The following RPA3 variants were observed in gnomAD, a reference collection of about 807,000 sequenced individuals.
RPA3 encodes the protein replication protein A3.
Under a neutral mutation model 13.7 loss-of-function variants are expected in RPA3, and 24 were observed. The observed-to-expected ratio is 1.75, with a 90% CI of 1.27 to 2.46. The LOEUF is 2.46. Ranked by LOEUF, RPA3 falls within the 30% of genes most tolerant of loss-of-function variation. The probability of loss-of-function intolerance (pLI) is 0.00; values close to 1 mark genes in which losing one functional copy is unlikely to be tolerated. For synonymous variants in RPA3, 59 were observed against 51.2 expected, an observed-to-expected ratio of 1.15 and a Z score of -0.65; for missense variants, 183 against 151.0, an observed-to-expected ratio of 1.21 and a Z score of -1.11.
intron 4 of RPA3, among the ~76,000 whole-genome samples, chr7:7,684,614 T>A (rs780516906): frequency 9.2e-5 from 14 of 152,198 alleles, no homozygotes; most frequent in Non-Finnish European, 2.1e-4. Flanking sequence ...AAACCTTAGA[T>A]GTTTTTTGAA....
intron 3 of RPA3, among the ~76,000 whole-genome samples, chr7:7,686,784 G>T (rs1354089970): frequency 6.6e-6 from 1 of 152,210 alleles, no homozygotes; most frequent in African/African-American, 2.4e-5. Context: ...TAGGTGTGAA[G>T]ATTATGATGA....
chr7:7,706,496 A>G (rs1780603005), intron 2 of RPA3, among the ~76,000 whole-genome samples: 1 of 152,212 alleles, frequency 6.6e-6, no homozygotes, highest in Non-Finnish European at 1.5e-5. Context: ...TAATATTTCC[A>G]GAGTTTCCAA....
chr7:7,689,887 A>G (rs913616151), intron 2 of RPA3, among the ~76,000 whole-genome samples: 20 of 152,224 alleles, frequency 1.3e-4, no homozygotes, highest in Non-Finnish European at 7.3e-5. Context: ...GTGATTAACA[A>G]CCATAGTAAT....
intron 4 of RPA3, among the ~76,000 whole-genome samples, chr7:7,683,243 G>A (rs927285729): frequency 1.3e-5 from 2 of 152,072 alleles, no homozygotes; most frequent in African/African-American, 4.8e-5. Context: ...ACCCTTCTGT[G>A]CATTAGGGGA....
At chr7:7,683,403 T>G (rs1009274170) in intron 4 of RPA3, among the ~76,000 whole-genome samples, 19 of 152,174 alleles carry the variant, frequency 1.2e-4, no homozygotes, top group Non-Finnish European at 2.8e-4. Flanking sequence ...CAGTTCACTC[T>G]CTAATAATTG....
intron 4 of RPA3, among the ~76,000 whole-genome samples, chr7:7,654,808 G>A (rs1785303357): frequency 6.6e-6 from 1 of 151,556 alleles, no homozygotes; most frequent in Admixed American, 6.6e-5. Flanking sequence ...GGAGGCTGAG[G>A]CAGGAGAATC....
intron 4 of RPA3, among the ~76,000 whole-genome samples, chr7:7,677,551 C>G (rs1001820931): frequency 1.3e-5 from 2 of 151,792 alleles, no homozygotes; most frequent in African/African-American, 4.8e-5. Flanking sequence ...ATGATCTCCT[C>G]TAGTACCATC....
chr7:7,704,727 ACTGTACTCCAGC>A (rs1299892158), intron 2 of RPA3, among the ~76,000 whole-genome samples: 3 of 134,906 alleles, frequency 2.2e-5, no homozygotes, highest in African/African-American at 8.6e-5. Flanking sequence ...AGATCGCACC[ACTGTACTCCAGC>A]CTGGGTGACA....
chr7:7,703,891 A>G (rs1780528830), intron 2 of RPA3, among the ~76,000 whole-genome samples: 1 of 152,088 alleles, frequency 6.6e-6, no homozygotes, highest in South Asian at 2.1e-4. Context: ...GCAGTGAGCC[A>G]TGACTGTGTC....
At chr7:7,662,442 G>T (rs1785498124) in intron 4 of RPA3, among the ~76,000 whole-genome samples, 1 of 152,202 alleles carries the variant, frequency 6.6e-6, no homozygotes, top group Non-Finnish European at 1.5e-5. Flanking sequence ...GTCCGTGGTG[G>T]CATAGGCACC....
chr7:7,653,720 T>C lies in RPA3; in HGVS notation c.-757-12545A>G, dbSNP rs1583696684. The stretch of plus-strand genomic sequence containing the variant: ...TTACCTAGAGAGTGCTGCTGAGTGG[T>C]TAATGTTGAAAAAGAAGTCCCTTTC... On this transcript the variant is annotated intron_variant, in intron 4 of 7. Coordinates refer to ENST00000223129, the MANE Select transcript of RPA3 (RefSeq NM_002947.5). 2.0e-5 allele frequency among the ~76,000 whole-genome samples: 3 copies of C among 152,258 alleles called. No individual in the cohort carries two copies. In the East Asian group the frequency reaches 5.8e-4, roughly 29 times the overall value.
At chr7:7,669,172 T>G (rs1779542898) in intron 4 of RPA3, among the ~76,000 whole-genome samples, 1 of 151,948 alleles carries the variant, frequency 6.6e-6, no homozygotes, top group African/African-American at 2.4e-5. Flanking sequence ...GTATATAGGG[T>G]TTAGTACTAT....
chr7:7,714,260 T>G (rs1238514041), intron 2 of RPA3, among the ~76,000 whole-genome samples: 1 of 152,338 alleles, frequency 6.6e-6, no homozygotes, highest in East Asian at 1.9e-4. Context: ...CATTTCCAAC[T>G]TTTCTATAAA....
intron 4 of RPA3, among the ~76,000 whole-genome samples, chr7:7,663,356 A>T (rs199533040): frequency 6.6e-6 from 1 of 151,618 alleles, no homozygotes; most frequent in Non-Finnish European, 1.5e-5. Context: ...ATTTATGTTA[A>T]TCAATTTAAT....
At chr7:7,675,969 C>G in intron 4 of RPA3, 1 of 392,830 alleles carries the variant, frequency 2.5e-6, no homozygotes. Context: ...ATAAAATCCT[C>G]TGTACATAGT....
chr7:7,680,380 T>G (rs983301391), intron 4 of RPA3, among the ~76,000 whole-genome samples: 1 of 152,160 alleles, frequency 6.6e-6, no homozygotes, highest in Non-Finnish European at 1.5e-5. Flanking sequence ...GGTTCTGTAT[T>G]TGGTTCCATT....
rs377680872 is a variant in RPA3, at chr7:7,695,857, C to T, written c.-1027-8529G>A. Among the ~76,000 whole-genome samples, 5 of 152,102 alleles carry T rather than the reference C, an allele frequency of 3.3e-5. No homozygotes were observed. In the East Asian group the frequency reaches 9.6e-4, roughly 29 times the overall value. ...ATTATAAGTTAAGCAGCAGTGTGCA[C>T]ACTACATCTTATGCACTAATGGTTG... On this transcript the variant is annotated intron_variant, in intron 2 of 7. Coordinates refer to ENST00000223129, the MANE Select transcript of RPA3 (RefSeq NM_002947.5).
Position 7,640,576 on chromosome 7 carries a change from C to G in RPA3, c.-158G>C, listed in dbSNP as rs752445985. On this transcript the variant is annotated 5_prime_UTR_variant, in exon 5 of 8. Coordinates refer to ENST00000223129, the MANE Select transcript of RPA3 (RefSeq NM_002947.5). ...CGCGGAAACCTAAATCGCAATCGCG[C>G]TGTCTCTGAAAGGGGTGGAGAAGGG... 147 of 671,176 alleles carry G rather than the reference C, an allele frequency of 2.2e-4. No homozygotes were observed. Among genetic ancestry groups the G allele is most frequent in the Non-Finnish European group, 3.4e-4 (130 of 384,824 alleles). 41.6% of individuals were successfully genotyped at this position (671,176 alleles called of 1,614,324 possible). A position where few individuals can be genotyped will look rare whatever the true frequency, so the allele number is the denominator to read the frequency against.
intron 4 of RPA3, among the ~76,000 whole-genome samples, chr7:7,665,823 G>C (rs555255422): frequency 1.3e-5 from 2 of 149,216 alleles, no homozygotes; most frequent in South Asian, 4.2e-4. Flanking sequence ...CTTTCCATCA[G>C]CTTTTTTTTT....
Sources: allele counts gnomAD v4.1 joint callset (sites outside exome capture counted in the v4.1 genomes callset), GRCh38; gene constraint gnomAD v4.1.1; transcripts MANE v1.5; gene names NCBI Gene and HGNC (gene_info 2026-07-23, HGNC 2026-07-21).